IL20RA: variants seen among roughly 807,000 people sequenced by gnomAD.
The protein encoded by IL20RA is interleukin-20 receptor subunit alpha.
A neutral mutation model predicts 36.5 loss-of-function variants in IL20RA; 29 were observed. The observed-to-expected ratio is 0.79, with a 90% CI of 0.59 to 1.08. The LOEUF (loss-of-function observed/expected upper bound fraction) is 1.08. Ranked by LOEUF, IL20RA falls within the 50% of genes least tolerant of loss-of-function variation. The probability of loss-of-function intolerance (pLI) is 0.00; values close to 1 mark genes in which losing one functional copy is unlikely to be tolerated. For synonymous variants in IL20RA, 279 were observed against 267.1 expected (o/e 1.04, Z -0.43); for missense variants, 652 against 668.4 (o/e 0.98, Z 0.27).
chr6:137,020,029 CAA>C (rs1396589096), intron 1 of IL20RA, among the ~76,000 whole-genome samples: 1 of 152,198 alleles, frequency 6.6e-6, no homozygotes, highest in Non-Finnish European at 1.5e-5. Context: ...AAAGCCATGA[CAA>C]AAGACACTTC....
chr6:137,030,070 GTTTTT>G (rs1188809232), intron 1 of IL20RA, among the ~76,000 whole-genome samples: 18 of 62,854 alleles, frequency 2.9e-4, no homozygotes, highest in African/African-American at 1.0e-3. Context: ...CGGTTTGCGG[GTTTTT>G]TTTTTTTTTT....
chr6:137,001,635 T>C lies in IL20RA; in HGVS notation c.1585A>G (p.Arg529Gly). The part of the protein sequence containing the change: ...SRLYEEPAPD[R>G]PPGENETYLM... The stretch of plus-strand genomic sequence containing the variant: ...TAGGTTTCATTTTCTCCTGGTGGCC[T>C]GTCTGGAGCCGGCTCCTCATAGAGT... The change falls in exon 7 of 7, where the codon AGG becomes GGG. Residue 529 changes from arginine to glycine, a missense_variant. Physicochemically the swap from Arg to Gly is moderately radical, Grantham distance 125. Coordinates refer to ENST00000316649, the MANE Select transcript of IL20RA (RefSeq NM_014432.4). The C allele has an allele frequency of 1.2e-6, 2 of 1,612,798 alleles. No individual in the cohort carries two copies.
intron 1 of IL20RA, among the ~76,000 whole-genome samples, chr6:137,018,414 T>A (rs1036745590): frequency 6.6e-6 from 1 of 152,152 alleles, no homozygotes; most frequent in Non-Finnish European, 1.5e-5. Context: ...GTTATAATTG[T>A]CATGACTCCT....
chr6:137,004,764 TAAAA>T lies in IL20RA; in HGVS notation c.725-8_725-5del, dbSNP rs5880323. 1,035 of 1,437,352 alleles carry T rather than the reference TAAAA, an allele frequency of 7.2e-4. No homozygotes were observed. The highest frequency in any genetic ancestry group is 2.5e-3 in the East Asian group (104 of 41,178). The allele number at this position is 1,437,352 out of a possible 1,614,324, so 89.0% of individuals were successfully genotyped here. The stretch of plus-strand genomic sequence containing the variant: ...GCCTTGAACTCTGATGATTGATCTG[TAAAA>T]AAAAAAAAAAAGGTGGGAATTCGGG... On this transcript the variant is annotated splice_polypyrimidine_tract_variant and splice_region_variant and intron_variant, in intron 5 of 6. Coordinates refer to ENST00000316649, the MANE Select transcript of IL20RA (RefSeq NM_014432.4).
intron 1 of IL20RA, among the ~76,000 whole-genome samples, chr6:137,019,123 T>A (rs1395883127): frequency 9.1e-6 from 1 of 109,712 alleles, no homozygotes; most frequent in African/African-American, 2.6e-5. Flanking sequence ...CACTGTATTC[T>A]ATTTATCTTT....
intron 1 of IL20RA, among the ~76,000 whole-genome samples, chr6:137,025,707 C>G (rs543093481): frequency 6.6e-6 from 1 of 152,332 alleles, no homozygotes; most frequent in South Asian, 2.1e-4. Flanking sequence ...ACCTTGAATA[C>G]AGGTCTGTAA....
In IL20RA at chr6:137,009,303, C is replaced by A. The variant is rs775499715; in HGVS notation, c.579+14G>T. 1 of 1,604,390 alleles carries A rather than the reference C, an allele frequency of 6.2e-7. No individual in the cohort carries two copies. The highest frequency in any genetic ancestry group is 2.2e-5 in the East Asian group (1 of 44,832). On this transcript the variant is annotated intron_variant, in intron 4 of 6. Transcript: ENST00000316649. Reference sequence around the variant, plus strand: ...TGGTACATGAATGTATGCCCCATTCCATTTCAGGCTTACCGTTCTGTTTGA... The same window carrying A: ...TGGTACATGAATGTATGCCCCATTCAATTTCAGGCTTACCGTTCTGTTTGA...
chr6:137,008,574 C>T (rs376600033), intron 5 of IL20RA, 25 bp downstream of exon 5: 2 of 1,573,170 alleles, frequency 1.3e-6, no homozygotes, highest in Non-Finnish European at 1.7e-6. Flanking sequence ...CCTTCCTAGA[C>T]CAGCAAAGAT....
intron 1 of IL20RA, among the ~76,000 whole-genome samples, chr6:137,039,102 G>A (rs887109550): frequency 2.0e-5 from 3 of 152,160 alleles, no homozygotes; most frequent in African/African-American, 7.2e-5. Flanking sequence ...TAAACGAAAA[G>A]GTATAATCAG....
chr6:137,010,184 T>C (rs541731430), intron 3 of IL20RA, among the ~76,000 whole-genome samples: 1 of 152,340 alleles, frequency 6.6e-6, no homozygotes, highest in African/African-American at 2.4e-5. Flanking sequence ...GAGATGTGAT[T>C]AGAATGATCT....
intron 1 of IL20RA, among the ~76,000 whole-genome samples, chr6:137,026,769 G>T (rs1776101939): frequency 6.6e-6 from 1 of 152,170 alleles, no homozygotes; most frequent in Admixed American, 6.5e-5. Flanking sequence ...TCATCATGTT[G>T]AAAGGAACGG....
At chr6:137,005,841 C>T (rs1775258543) in intron 5 of IL20RA, among the ~76,000 whole-genome samples, 2 of 152,282 alleles carry the variant, frequency 1.3e-5, no homozygotes, top group Admixed American at 1.3e-4. Flanking sequence ...GAACTGCAAA[C>T]ATCAACTCTT....
chr6:137,023,652 A>G (rs1202906104), intron 1 of IL20RA, among the ~76,000 whole-genome samples: 1 of 152,196 alleles, frequency 6.6e-6, no homozygotes, highest in Admixed American at 6.5e-5. Flanking sequence ...CAAGTTTCAA[A>G]CTAGAAGTGG....
At chr6:137,017,169 A>C in intron 1 of IL20RA, 66 bp from the exon 2 acceptor site, 1 of 1,366,384 alleles carries the variant, frequency 7.3e-7, no homozygotes, top group South Asian at 1.2e-5. Context: ...TTCCTGTAGC[A>C]GCTAGTCTCC....
At chr6:137,035,178 T>G (rs1016259339) in intron 1 of IL20RA, among the ~76,000 whole-genome samples, 2 of 152,198 alleles carry the variant, frequency 1.3e-5, no homozygotes, top group African/African-American at 2.4e-5. Context: ...AACCTACTTA[T>G]GACTACTGAT....
At chr6:137,007,899 C>T (rs908687010) in intron 5 of IL20RA, among the ~76,000 whole-genome samples, 3 of 152,178 alleles carry the variant, frequency 2.0e-5, no homozygotes, top group African/African-American at 7.2e-5. Flanking sequence ...TAGAATAATG[C>T]TTTGTTTCTA....
chr6:137,034,678 C>G (rs553053811), intron 1 of IL20RA, among the ~76,000 whole-genome samples: 2 of 152,060 alleles, frequency 1.3e-5, no homozygotes, highest in Non-Finnish European at 2.9e-5. Flanking sequence ...CGGTGGCTCA[C>G]GCCTGTAATC....
rs896482819 is a variant in IL20RA, at chr6:137,001,450, C to G, written c.*108G>C. On this transcript the variant is annotated 3_prime_UTR_variant, in exon 7 of 7. Coordinates refer to ENST00000316649, the MANE Select transcript of IL20RA (RefSeq NM_014432.4). ...AAGAAATAAGTAATTCTCACAGACA[C>G]TGACAAACTGGAAAAAACTTCTTTC... 8 of 963,840 alleles carry G rather than the reference C, an allele frequency of 8.3e-6. No homozygotes were observed. In the Admixed American group the frequency reaches 1.5e-4, roughly 18 times the overall value. 59.7% of individuals were successfully genotyped at this position (963,840 alleles called of 1,614,324 possible). A position where few individuals can be genotyped will look rare whatever the true frequency, so the allele number is the denominator to read the frequency against.
At position 137,044,072 on chromosome 6, in the gene IL20RA, C is replaced by G. The variant is rs1273645839; in HGVS notation, c.88+569G>C. 4.1e-6 allele frequency: 4 copies of G among 981,342 alleles called. No individual in the cohort carries two copies. In the East Asian group the frequency reaches 4.5e-4, roughly 111 times the overall value. 60.8% of individuals were successfully genotyped at this position (981,342 alleles called of 1,614,324 possible). A position where few individuals can be genotyped will look rare whatever the true frequency, so the allele number is the denominator to read the frequency against. On this transcript the variant is annotated intron_variant, in intron 1 of 6. Transcript: ENST00000316649. ...AACTGCAAAGGAAACAACGGCGTAC[C>G]CAGGACAGGGGGAGCTTACTTTAAG... is the stretch of plus-strand genomic sequence containing the variant.
Sources: gnomAD v4.1 joint callset for allele counts (sites outside exome capture counted in the v4.1 genomes callset) on GRCh38, gnomAD v4.1.1 for gene constraint, MANE v1.5 for transcripts, NCBI Gene and HGNC (gene_info 2026-07-23, HGNC 2026-07-21) for gene names.